The following NFIB variants were observed in gnomAD, a reference collection of about 807,000 sequenced individuals.
NFIB encodes the protein nuclear factor I B, also known as nuclear factor 1 B-type.
In NFIB, 11 loss-of-function variants were observed where a neutral mutation model predicts 61.5. The observed-to-expected ratio is 0.18, with a 90% CI of 0.11 to 0.30. The LOEUF is 0.30. Ranked by LOEUF, NFIB falls within the 10% of genes least tolerant of loss-of-function variation. The pLI, the probability that NFIB is intolerant of heterozygous loss-of-function variation, is 1.00. For missense variants in NFIB, 471 were observed against 608.9 expected (o/e 0.77, Z 2.38); for synonymous variants, 260 against 216.5 (o/e 1.20, Z -1.76).
intron 9 of NFIB, 61 bp downstream of exon 9, chr9:14,116,147 A>G: frequency 7.1e-7 from 1 of 1,414,006 alleles, no homozygotes; most frequent in Non-Finnish European, 9.3e-7. Flanking sequence ...GGTGCCTCTG[A>G]TGGACATTTC....
At chr9:14,508,429 AGTT>A in the NFIB span, among the ~76,000 whole-genome samples, 1 of 152,270 alleles carries the variant, frequency 6.6e-6, no homozygotes, top group Non-Finnish European at 1.5e-5. Context: ...TCCTTCTAGA[AGTT>A]GTTGTTTGAT....
chr9:14,303,158 C>T (rs1331143022), intron 2 of NFIB, among the ~76,000 whole-genome samples: 2 of 152,166 alleles, frequency 1.3e-5, no homozygotes, highest in Admixed American at 6.5e-5. Flanking sequence ...GAAGTCCTCT[C>T]AAAATGTTAC....
chr9:14,262,207 G>C (rs1298226780), intron 2 of NFIB, among the ~76,000 whole-genome samples: 1 of 152,074 alleles, frequency 6.6e-6, no homozygotes, highest in Non-Finnish European at 1.5e-5. Flanking sequence ...TTCAAACCTG[G>C]CTTTGATTGT....
intron 2 of NFIB, among the ~76,000 whole-genome samples, chr9:14,278,316 T>C (rs928345215): frequency 1.3e-5 from 2 of 152,236 alleles, no homozygotes; most frequent in Non-Finnish European, 1.5e-5. Flanking sequence ...GGACCAAATG[T>C]TGACAGTGGT....
chr9:14,342,412 C>T (rs567245299), intron 1 of NFIB, among the ~76,000 whole-genome samples: 2 of 148,492 alleles, frequency 1.3e-5, no homozygotes, highest in Non-Finnish European at 3.0e-5. Context: ...AGGGGAAAAG[C>T]CAGTGAAATG....
chr9:14,108,260 T>C (rs986552925), intron 10 of NFIB, among the ~76,000 whole-genome samples: 2 of 152,128 alleles, frequency 1.3e-5, no homozygotes, highest in Non-Finnish European at 2.9e-5. Flanking sequence ...CCTGACTGTA[T>C]TGAAAAGTTT....
At chr9:14,493,947 T>C in the NFIB span, among the ~76,000 whole-genome samples, 3 of 152,206 alleles carry the variant, frequency 2.0e-5, no homozygotes, top group Non-Finnish European at 4.4e-5. Context: ...ATCAGTTCTT[T>C]TAAGTTAGAT....
intron 6 of NFIB, among the ~76,000 whole-genome samples, chr9:14,132,190 A>G (rs1215556263): frequency 1.3e-5 from 2 of 152,222 alleles, no homozygotes. Context: ...TGCCAGTCCT[A>G]TGATTTAGTC....
chr9:14,127,083 A>C (rs1272481211), intron 6 of NFIB, among the ~76,000 whole-genome samples: 2 of 152,218 alleles, frequency 1.3e-5, no homozygotes, highest in Non-Finnish European at 2.9e-5. Context: ...CAAAAGATAG[A>C]TCATGAGAGC....
intron 2 of NFIB, among the ~76,000 whole-genome samples, chr9:14,304,606 C>T (rs962767156): frequency 1.2e-4 from 18 of 152,204 alleles, no homozygotes; most frequent in African/African-American, 2.7e-4. Flanking sequence ...AAGGGGGAAA[C>T]GTAATTTTGT....
At chr9:14,269,070 A>C (rs1236549957) in intron 2 of NFIB, among the ~76,000 whole-genome samples, 1 of 150,676 alleles carries the variant, frequency 6.6e-6, no homozygotes, top group Non-Finnish European at 1.5e-5. Context: ...GTAAATATAC[A>C]TTTTAAACTT....
chr9:14,177,236 G>C (rs553252164), intron 3 of NFIB, among the ~76,000 whole-genome samples: 2 of 152,086 alleles, frequency 1.3e-5, no homozygotes, highest in Non-Finnish European at 2.9e-5. Flanking sequence ...GAGATAAAAA[G>C]AGCTTCCTAA....
At chr9:14,181,732 A>G (rs969675612) in intron 2 of NFIB, among the ~76,000 whole-genome samples, 1 of 152,210 alleles carries the variant, frequency 6.6e-6, no homozygotes, top group African/African-American at 2.4e-5. Flanking sequence ...CTACTTATGT[A>G]TAATACACCC....
intron 9 of NFIB, among the ~76,000 whole-genome samples, chr9:14,115,291 A>AC (rs2037957615): frequency 8.2e-6 from 1 of 121,686 alleles, no homozygotes; most frequent in Non-Finnish European, 1.7e-5. Context: ...GCTCTAAGAA[A>AC]GAAAAAAAAA....
the NFIB span, among the ~76,000 whole-genome samples, chr9:14,450,160 C>T: frequency 6.6e-6 from 1 of 152,016 alleles, no homozygotes; most frequent in Non-Finnish European, 1.5e-5. Context: ...TGATGTTCCG[C>T]TCCCTGTGTC....
At chr9:14,370,978 C>T (rs2061351623) in intron 1 of NFIB, among the ~76,000 whole-genome samples, 1 of 152,142 alleles carries the variant, frequency 6.6e-6, no homozygotes, top group African/African-American at 2.4e-5. Flanking sequence ...ACCTGTAATC[C>T]CAGCTATTCA....
the NFIB span, among the ~76,000 whole-genome samples, chr9:14,515,697 A>T: frequency 6.6e-6 from 1 of 152,148 alleles, no homozygotes; most frequent in Non-Finnish European, 1.5e-5. Flanking sequence ...GTCAAACTTG[A>T]ATGAGCCTAT....
At chr9:14,348,768 C>G (rs996387097) in intron 1 of NFIB, among the ~76,000 whole-genome samples, 1 of 152,250 alleles carries the variant, frequency 6.6e-6, no homozygotes, top group African/African-American at 2.4e-5. Context: ...TCCCGCGCCT[C>G]TGCTCGCTCT....
At chr9:14,391,027 A>T (rs1012438806) in intron 1 of NFIB, among the ~76,000 whole-genome samples, 3 of 152,222 alleles carry the variant, frequency 2.0e-5, no homozygotes, top group African/African-American at 7.2e-5. Context: ...TTTCACATAC[A>T]GAAGAATATC....
Sources: allele counts gnomAD v4.1 joint callset (sites outside exome capture counted in the v4.1 genomes callset), GRCh38; gene constraint gnomAD v4.1.1; transcripts MANE v1.5; gene names NCBI Gene and HGNC (gene_info 2026-07-23, HGNC 2026-07-21).